Variants in MCTP2 observed in about 807,000 individuals in gnomAD.
MCTP2 encodes multiple C2 and transmembrane domain containing 2, also known as multiple C2 and transmembrane domain-containing protein 2.
In MCTP2, 132 loss-of-function variants were observed where a neutral mutation model predicts 111.6. That is an observed-to-expected ratio of 1.18 (90% CI 1.03 to 1.37). The LOEUF (loss-of-function observed/expected upper bound fraction) is 1.37. Ranked by LOEUF, MCTP2 falls within the 40% of genes most tolerant of loss-of-function variation. The pLI, the probability that MCTP2 is intolerant of heterozygous loss-of-function variation, is 0.00. For missense variants in MCTP2, 1,183 were observed against 1,067.9 expected, an observed-to-expected ratio of 1.11 and a Z score of -1.50; for synonymous variants, 395 against 387.7, an observed-to-expected ratio of 1.02 and a Z score of -0.22.
Position 94,298,556 on chromosome 15 carries a change from A to G in MCTP2, c.291A>G (p.Lys97=). 6.2e-7 allele frequency: 1 copy of G among 1,614,144 alleles called. No individual in the cohort carries two copies. The highest frequency in any genetic ancestry group is 8.5e-7 in the Non-Finnish European group (1 of 1,180,022). Residue 97 remains lysine, a synonymous_variant, in exon 2 of 23, where the codon AAA becomes AAG. Coordinates refer to ENST00000357742, the MANE Select transcript of MCTP2 (RefSeq NM_001385001.1). ...IFPKSSSSSL[K]QSEEELDWSQ... ...CCAAGAGCAGCAGTAGCTCCTTGAA[A>G]CAGTCTGAAGAAGAATTGGATTGGA...
intron 17 of MCTP2, among the ~76,000 whole-genome samples, chr15:94,424,584 A>G (rs1228371560): frequency 6.6e-6 from 1 of 152,186 alleles, no homozygotes; most frequent in Non-Finnish European, 1.5e-5. Context: ...GCTCTAGGGT[A>G]TATGCCTAGG....
At chr15:94,408,763 G>A (rs1464776626) in intron 17 of MCTP2, among the ~76,000 whole-genome samples, 1 of 152,208 alleles carries the variant, frequency 6.6e-6, no homozygotes, top group East Asian at 1.9e-4. Flanking sequence ...TAGATCGACT[G>A]AAATCACTTA....
chr15:94,239,801 G>A (rs1345474862), intron 1 of MCTP2, among the ~76,000 whole-genome samples: 1 of 152,196 alleles, frequency 6.6e-6, no homozygotes, highest in Non-Finnish European at 1.5e-5. Context: ...AAGACACGGT[G>A]GGGCTTGGAA....
intron 12 of MCTP2, among the ~76,000 whole-genome samples, 163 bp from the exon 13 acceptor site, chr15:94,383,859 G>T (rs1319525913): frequency 1.3e-5 from 2 of 152,166 alleles, no homozygotes; most frequent in African/African-American, 4.8e-5. Context: ...TGTAGCCTCT[G>T]CCTGTCTCCT....
intron 17 of MCTP2, among the ~76,000 whole-genome samples, chr15:94,404,074 C>T (rs748242684): frequency 2.2e-4 from 34 of 152,198 alleles, no homozygotes; most frequent in South Asian, 4.1e-4. Flanking sequence ...AAATTTAGAC[C>T]ATGTGTATGT....
At chr15:94,476,865 A>C (rs922534213) in intron 22 of MCTP2, 72 bp downstream of exon 22, 7 of 877,520 alleles carry the variant, frequency 8.0e-6, no homozygotes, top group Non-Finnish European at 5.6e-6. Context: ...CCAGAGGAAC[A>C]CAAGGCTTTG....
intron 1 of MCTP2, among the ~76,000 whole-genome samples, chr15:94,237,012 G>T (rs11635007): frequency 0.29 from 44,307 of 152,000 alleles, 6,653 homozygotes; most frequent in Non-Finnish European, 0.34. Context: ...TGCTGGCTTG[G>T]TGCCAGTAAC....
chr15:94,413,392 C>T (rs1426970307), intron 17 of MCTP2, among the ~76,000 whole-genome samples: 1 of 151,932 alleles, frequency 6.6e-6, no homozygotes, highest in East Asian at 1.9e-4. Context: ...GATTACTGCC[C>T]AGTTGGTACA....
intron 1 of MCTP2, among the ~76,000 whole-genome samples, chr15:94,241,501 C>T (rs1052649191): frequency 3.3e-5 from 5 of 152,068 alleles, no homozygotes; most frequent in South Asian, 2.1e-4. Flanking sequence ...TCTTGCCTGT[C>T]GATATCTTTT....
intron 13 of MCTP2, among the ~76,000 whole-genome samples, chr15:94,385,120 T>C (rs2080382134): frequency 6.6e-6 from 1 of 152,216 alleles, no homozygotes; most frequent in Non-Finnish European, 1.5e-5. Context: ...CTGCTAATGC[T>C]TTCTCCCTAT....
rs1398772999 is a variant in MCTP2, at chr15:94,367,704, T to TA, written c.1402dup (p.Thr468AsnfsTer10). On this transcript the variant is annotated frameshift_variant, in exon 11 of 23. Transcript: ENST00000357742. LOFTEE classifies it high-confidence loss of function. ...GGGCTCTCCTTATGTTGGTCACACT[T>TA]ACACCCTGTGCGGGGGTCTCCGTCT... 6.2e-7 allele frequency: 1 copy of TA among 1,610,936 alleles called. No homozygotes were observed. Among genetic ancestry groups the TA allele is most frequent in the East Asian group, 2.2e-5 (1 of 44,586 alleles).
At chr15:94,298,996 C>CCT (rs1567357255) in intron 2 of MCTP2, among the ~76,000 whole-genome samples, 1 of 62,732 alleles carries the variant, frequency 1.6e-5, no homozygotes, top group Non-Finnish European at 3.1e-5. Context: ...TCCCTCTCTC[C>CCT]CTCTCCCTCT....
rs776468494 is a variant in MCTP2, at chr15:94,245,085, C to T, written c.-66+13421C>T. On this transcript the variant is annotated intron_variant, in intron 1 of 22. Coordinates refer to ENST00000357742, the MANE Select transcript of MCTP2 (RefSeq NM_001385001.1). ...ATGTACCTGTTTACGTATATGTATA[C>T]ACATACATATGTACCTATGTTTATA... Among the ~76,000 whole-genome samples the T allele has an allele frequency of 1.5e-4, 23 of 149,250 alleles. 1 individual carries two copies. The highest frequency in any genetic ancestry group is 1.1e-3 in the South Asian group (5 of 4,724).
intron 4 of MCTP2, among the ~76,000 whole-genome samples, chr15:94,330,857 C>T (rs548893373): frequency 6.8e-6 from 1 of 147,818 alleles, no homozygotes; most frequent in East Asian, 1.9e-4. Context: ...ACTTTAGCCC[C>T]CCAAGTAGCT....
chr15:94,262,582 G>T (rs920012954), intron 1 of MCTP2, among the ~76,000 whole-genome samples: 5 of 152,060 alleles, frequency 3.3e-5, no homozygotes, highest in Admixed American at 6.6e-5. Context: ...ATTTTAGAGG[G>T]TATGTGTTAT....
intron 20 of MCTP2, among the ~76,000 whole-genome samples, chr15:94,464,171 GAAGCATCT>G (rs1243825276): frequency 6.9e-6 from 1 of 144,490 alleles, no homozygotes; most frequent in East Asian, 2.0e-4. Context: ...ATTAGCTGCT[GAAGCATCT>G]AGGCCTGAAG....
chr15:94,255,787 A>G (rs2072726290), intron 1 of MCTP2, among the ~76,000 whole-genome samples: 1 of 152,200 alleles, frequency 6.6e-6, no homozygotes, highest in South Asian at 2.1e-4. Flanking sequence ...AGCAGGGGAA[A>G]TGAAGTAGAG....
chr15:94,390,076 A>ATATATATG lies in MCTP2; in HGVS notation c.1788+4558_1788+4559insGTATATAT, dbSNP rs1567602396. Reference sequence around the variant, plus strand: ...TATATATATATATATATATATATATATATATATATATATGTATATATATAT... The same window carrying ATATATATG: ...TATATATATATATATATATATATATATATATATGTATATATATATATGTATATATATAT... On this transcript the variant is annotated intron_variant, in intron 14 of 22. Coordinates refer to ENST00000357742, the MANE Select transcript of MCTP2 (RefSeq NM_001385001.1). 3.7e-3 allele frequency among the ~76,000 whole-genome samples: 47 copies of ATATATATG among 12,646 alleles called. 2 individuals are homozygous for ATATATATG. The highest frequency in any genetic ancestry group is 0.022 in the South Asian group (7 of 318). 8.3% of individuals were successfully genotyped at this position (12,646 alleles called of 152,430 possible). A position where few individuals can be genotyped will look rare whatever the true frequency, so the allele number is the denominator to read the frequency against.
At chr15:94,305,519 A>G (rs1828639617) in intron 2 of MCTP2, among the ~76,000 whole-genome samples, 1 of 152,028 alleles carries the variant, frequency 6.6e-6, no homozygotes, top group Non-Finnish European at 1.5e-5. Flanking sequence ...GTATATATAT[A>G]CCTTTTTATA....
Sources: allele counts gnomAD v4.1 joint callset (sites outside exome capture counted in the v4.1 genomes callset), GRCh38; gene constraint gnomAD v4.1.1; transcripts MANE v1.5; gene names NCBI Gene and HGNC (gene_info 2026-07-23, HGNC 2026-07-21).